TJP2: variants seen among roughly 807,000 people sequenced by gnomAD.
The protein encoded by TJP2 is Friedreich ataxia region gene X104 (tight junction protein ZO-2).
A neutral mutation model predicts 133.1 loss-of-function variants in TJP2; 91 were observed. That is an observed-to-expected ratio of 0.68 (90% CI 0.58 to 0.81). TJP2 has a LOEUF of 0.81. Ranked by LOEUF, TJP2 falls within the 40% of genes least tolerant of loss-of-function variation. The pLI is 0.00. For missense variants in TJP2, 1,541 were observed against 1,565.6 expected, an observed-to-expected ratio of 0.98 and a Z score of 0.26; for synonymous variants, 592 against 583.4, an observed-to-expected ratio of 1.01 and a Z score of -0.21.
chr9:69,172,419 G>A (rs1824739269), upstream of TJP2, among the ~76,000 whole-genome samples: 1 of 152,226 alleles, frequency 6.6e-6, no homozygotes. Context: ...TTAGCCACAT[G>A]TGGCTTCTGA....
At chr9:69,150,709 C>T (rs1823432170) in intron 1 of TJP2, among the ~76,000 whole-genome samples, 1 of 152,152 alleles carries the variant, frequency 6.6e-6, no homozygotes, top group South Asian at 2.1e-4. Context: ...ACTGGTGATA[C>T]CAAAGTTTAG....
intron 9 of TJP2, among the ~76,000 whole-genome samples, chr9:69,228,552 G>A (rs1829521270): frequency 1.3e-5 from 2 of 152,090 alleles, no homozygotes; most frequent in Non-Finnish European, 1.5e-5. Context: ...ACATAGATAT[G>A]TATACATATA....
intron 14 of TJP2, 53 bp downstream of exon 14, chr9:69,237,189 T>A: frequency 6.2e-7 from 1 of 1,603,280 alleles, no homozygotes. Flanking sequence ...CTGAGCCTGT[T>A]CACCTTTATT....
upstream of TJP2, among the ~76,000 whole-genome samples, chr9:69,172,896 T>C (rs1824766717): frequency 1.3e-5 from 2 of 152,134 alleles, no homozygotes; most frequent in African/African-American, 2.4e-5. Context: ...ATTTTATAAA[T>C]AGGTGCTTAG....
At chr9:69,197,265 A>G (rs1473024057) in intron 1 of TJP2, among the ~76,000 whole-genome samples, 2 of 152,070 alleles carry the variant, frequency 1.3e-5, no homozygotes, top group Non-Finnish European at 2.9e-5. Context: ...CCCTGCTTAT[A>G]TTATTTTTAA....
chr9:69,242,569 C>G (rs1460478453), intron 17 of TJP2, among the ~76,000 whole-genome samples: 1 of 152,152 alleles, frequency 6.6e-6, no homozygotes, highest in East Asian at 1.9e-4. Flanking sequence ...CCAGAAATTG[C>G]CAATCTCTTA....
rs982430148 is a variant in TJP2 at position 69,203,568 on chromosome 9, T to C, written c.61-8980T>C. Among the ~76,000 whole-genome samples, 18 of 147,782 alleles carry C rather than the reference T, an allele frequency of 1.2e-4. 1 individual carries two copies. Among genetic ancestry groups the C allele is most frequent in the South Asian group, 8.6e-4 (4 of 4,628 alleles). ...ATCCTCCCACCTCAGCCTCCCAAAG[T>C]GCTGGGATTATAGGCATGAGCCACG... On this transcript the variant is annotated intron_variant, in intron 1 of 22. Transcript: ENST00000377245.
chr9:69,194,647 A>C (rs767692337), intron 1 of TJP2, among the ~76,000 whole-genome samples: 1 of 152,178 alleles, frequency 6.6e-6, no homozygotes, highest in Non-Finnish European at 1.5e-5. Context: ...CCATGGTAGA[A>C]ACTTCTGTTG....
chr9:69,196,952 C>CGTGT (rs1564425681), intron 1 of TJP2, among the ~76,000 whole-genome samples: 3 of 149,190 alleles, frequency 2.0e-5, no homozygotes, highest in African/African-American at 5.0e-5. Context: ...TGTGTACACA[C>CGTGT]ACACACACAC....
intron 2 of TJP2, among the ~76,000 whole-genome samples, chr9:69,215,594 C>T (rs1828306896): frequency 6.6e-6 from 1 of 151,990 alleles, no homozygotes; most frequent in Non-Finnish European, 1.5e-5. Flanking sequence ...CCATGTTGTC[C>T]AGGCTGGTCT....
intron 1 of TJP2, among the ~76,000 whole-genome samples, chr9:69,203,847 A>G (rs1026665408): frequency 6.6e-6 from 1 of 152,062 alleles, no homozygotes; most frequent in Admixed American, 6.6e-5. Flanking sequence ...CTTCTGGCTC[A>G]AGCGATCTGC....
At chr9:69,177,392 T>C (rs1017327188) in intron 1 of TJP2, among the ~76,000 whole-genome samples, 1 of 152,176 alleles carries the variant, frequency 6.6e-6, no homozygotes, top group Non-Finnish European at 1.5e-5. Flanking sequence ...ATTTAGTGGG[T>C]TAAACACATC....
At chr9:69,127,062 G>C (rs1330188730) in intron 1 of TJP2, among the ~76,000 whole-genome samples, 1 of 59,828 alleles carries the variant, frequency 1.7e-5, no homozygotes, top group East Asian at 1.2e-3. Flanking sequence ...GGAGACCCCT[G>C]TCTCTCTCTC....
chr9:69,206,339 C>T (rs754662291), intron 1 of TJP2, among the ~76,000 whole-genome samples: 1 of 152,156 alleles, frequency 6.6e-6, no homozygotes, highest in African/African-American at 2.4e-5. Flanking sequence ...GCCCACCGCA[C>T]CTGCCTTGCT....
intron 1 of TJP2, among the ~76,000 whole-genome samples, chr9:69,200,586 A>C (rs1235664508): frequency 6.6e-6 from 1 of 151,962 alleles, no homozygotes; most frequent in African/African-American, 2.4e-5. Flanking sequence ...TAGAGATAGG[A>C]TCTTGCTTTG....
chr9:69,153,230 C>T (rs1346174884), intron 2 of TJP2, among the ~76,000 whole-genome samples: 24 of 151,848 alleles, frequency 1.6e-4, no homozygotes, highest in Non-Finnish European at 5.9e-5. Context: ...GAGACTCTAT[C>T]TCAGCAACAA....
chr9:69,203,804 G>A (rs542605568), intron 1 of TJP2, among the ~76,000 whole-genome samples: 6 of 148,674 alleles, frequency 4.0e-5, no homozygotes, highest in African/African-American at 1.2e-4. Flanking sequence ...AGTAGAGATG[G>A]GGTTTCACCA....
chr9:69,183,826 CCAGGTT>C (rs373537901), intron 1 of TJP2, among the ~76,000 whole-genome samples: 251 of 152,262 alleles, frequency 1.6e-3, no homozygotes, highest in African/African-American at 5.7e-3. Context: ...CCTGTGCCTC[CCAGGTT>C]CAAGTGATTC....
intron 1 of TJP2, among the ~76,000 whole-genome samples, chr9:69,210,511 C>T (rs556714157): frequency 1.9e-4 from 29 of 152,180 alleles, no homozygotes; most frequent in African/African-American, 6.7e-4. Flanking sequence ...AATTGAAGAA[C>T]AGTCGTCACA....
Sources: gnomAD v4.1 joint callset for allele counts (sites outside exome capture counted in the v4.1 genomes callset) on GRCh38, gnomAD v4.1.1 for gene constraint, MANE v1.5 for transcripts, NCBI Gene and HGNC (gene_info 2026-07-23, HGNC 2026-07-21) for gene names.